CDH20: variants seen among roughly 807,000 people sequenced by gnomAD.
CDH20 encodes cadherin-20.
Under a neutral mutation model 74.2 loss-of-function variants are expected in CDH20, and 29 were observed. The ratio of observed to expected loss-of-function variants is 0.39; its 90% CI spans 0.29 to 0.53. The LOEUF is 0.53. Among genes scored for constraint, CDH20 ranks in the 20% least tolerant of loss-of-function variants. The probability of loss-of-function intolerance (pLI) is 0.69; values close to 1 mark genes in which losing one functional copy is unlikely to be tolerated. For synonymous variants in CDH20, 469 were observed against 405.4 expected, an observed-to-expected ratio of 1.16 and a Z score of -1.88; for missense variants, 988 against 1,048.3, an observed-to-expected ratio of 0.94 and a Z score of 0.79.
chr18:61,421,782 A>G (rs1815560363), intron 1 of CDH20, among the ~76,000 whole-genome samples: 1 of 152,202 alleles, frequency 6.6e-6, no homozygotes, highest in African/African-American at 2.4e-5. Context: ...ATAATAAACC[A>G]GATGGATAGA....
chr18:61,353,496 GT>G lies in CDH20; in HGVS notation c.-153+19675del, dbSNP rs997628308. 3.3e-5 allele frequency among the ~76,000 whole-genome samples: 5 copies of G among 152,138 alleles called. No homozygotes were observed. The highest frequency in any genetic ancestry group is 5.9e-5 in the Non-Finnish European group (4 of 68,016). Reference sequence around the variant, plus strand: ...TCATTTGTCTACTTGTGGTCCTCTTGTTTTTTCTAGAAGATGATCTGTAATT... The same window carrying G: ...TCATTTGTCTACTTGTGGTCCTCTTGTTTTTCTAGAAGATGATCTGTAATT... On this transcript the variant is annotated intron_variant, in intron 1 of 11. Coordinates refer to ENST00000262717, the MANE Select transcript of CDH20 (RefSeq NM_031891.4). The surrounding 1 kb of genome is among the most constrained non-coding windows in gnomAD (Gnocchi z 4.6).
chr18:61,425,983 A>G (rs1913058244), intron 1 of CDH20, among the ~76,000 whole-genome samples: 1 of 152,194 alleles, frequency 6.6e-6, no homozygotes, highest in African/African-American at 2.4e-5. Context: ...GCTATTACAA[A>G]TGGAATTTAA....
chr18:61,508,608 G>A (rs1422167377), intron 6 of CDH20, among the ~76,000 whole-genome samples: 1 of 151,994 alleles, frequency 6.6e-6, no homozygotes, highest in Non-Finnish European at 1.5e-5. Flanking sequence ...CAGTGACCTG[G>A]ATGAGATTGG....
At chr18:61,475,000 A>T (rs1045045965) in intron 1 of CDH20, among the ~76,000 whole-genome samples, 4 of 152,092 alleles carry the variant, frequency 2.6e-5, no homozygotes, top group African/African-American at 7.2e-5. Flanking sequence ...GGGGAGCCAG[A>T]TTGTGTAGGT....
At chr18:61,491,644 A>G (rs930703492) in intron 2 of CDH20, among the ~76,000 whole-genome samples, 4 of 152,134 alleles carry the variant, frequency 2.6e-5, no homozygotes, top group African/African-American at 9.7e-5. Flanking sequence ...GATTGAGAGA[A>G]CTGCTCCTTC....
intron 1 of CDH20, among the ~76,000 whole-genome samples, chr18:61,488,895 C>G (rs534311826): frequency 6.6e-6 from 1 of 152,324 alleles, no homozygotes; most frequent in East Asian, 1.9e-4. Context: ...CTTCTCTGTT[C>G]CCTAAGGGAA....
chr18:61,488,612 T>C (rs968116053), intron 1 of CDH20, among the ~76,000 whole-genome samples: 2 of 152,218 alleles, frequency 1.3e-5, no homozygotes, highest in African/African-American at 4.8e-5. Context: ...AACTGTCTCT[T>C]AGTCTAATGC....
intron 1 of CDH20, among the ~76,000 whole-genome samples, chr18:61,364,253 A>T (rs1203411817): frequency 6.6e-6 from 1 of 152,110 alleles, no homozygotes; most frequent in African/African-American, 2.4e-5. Flanking sequence ...ACCAGGGCAG[A>T]TACTCCCTGA....
chr18:61,373,748 A>G (rs1185772218), intron 1 of CDH20, among the ~76,000 whole-genome samples: 1 of 152,148 alleles, frequency 6.6e-6, no homozygotes, highest in Non-Finnish European at 1.5e-5. Context: ...TTGCCTTGGC[A>G]TCTGGGACCA....
chr18:61,510,189 T>C (rs1392154147), intron 6 of CDH20, among the ~76,000 whole-genome samples: 2 of 151,970 alleles, frequency 1.3e-5, no homozygotes, highest in Non-Finnish European at 2.9e-5. Context: ...TCCAAGGGAC[T>C]GAGCATAGAC....
chr18:61,498,282 C>T (rs555978165), intron 2 of CDH20, among the ~76,000 whole-genome samples: 4 of 152,152 alleles, frequency 2.6e-5, no homozygotes, highest in African/African-American at 9.6e-5. Flanking sequence ...TGCCTGTAGT[C>T]CCAGCTACTT....
In CDH20 at chr18:61,491,665, T is replaced by A. The variant is rs112191743; in HGVS notation, c.246+866T>A. 5.4e-3 allele frequency among the ~76,000 whole-genome samples: 830 copies of A among 152,294 alleles called. 12 individuals are homozygous for A. The highest frequency in any genetic ancestry group is 0.019 in the African/African-American group (782 of 41,556). On this transcript the variant is annotated intron_variant, in intron 2 of 11. Coordinates refer to ENST00000262717, the MANE Select transcript of CDH20 (RefSeq NM_031891.4). ...GAGAACTGCTCCTTCTCAAGTGTTG[T>A]CTACCCAAGTTCTTTCCCCAGTGTC...
intron 2 of CDH20, among the ~76,000 whole-genome samples, chr18:61,495,487 G>A (rs1270727178): frequency 6.6e-6 from 1 of 152,198 alleles, no homozygotes; most frequent in African/African-American, 2.4e-5. Flanking sequence ...GGTTCTGCCT[G>A]CCGGTAGAAG....
chr18:61,347,847 CT>C (rs796919833), intron 1 of CDH20, among the ~76,000 whole-genome samples: 2 of 152,026 alleles, frequency 1.3e-5, no homozygotes, highest in African/African-American at 4.8e-5. Flanking sequence ...ATAAACAATA[CT>C]TTTTTTTCAG....
At chr18:61,471,552 T>C (rs1390335008) in intron 1 of CDH20, among the ~76,000 whole-genome samples, 1 of 152,216 alleles carries the variant, frequency 6.6e-6, no homozygotes, top group Non-Finnish European at 1.5e-5. Flanking sequence ...TTTTCCATTA[T>C]GAAGAATGGC....
chr18:61,428,347 C>T (rs180972765), intron 1 of CDH20, among the ~76,000 whole-genome samples: 1 of 152,160 alleles, frequency 6.6e-6, no homozygotes, highest in African/African-American at 2.4e-5. Context: ...TAGGCGGCCC[C>T]AGATGTCTCA....
intron 7 of CDH20, among the ~76,000 whole-genome samples, chr18:61,528,805 T>C (rs1220788442): frequency 6.6e-6 from 1 of 152,208 alleles, no homozygotes; most frequent in East Asian, 1.9e-4. Context: ...CTTCCATCTT[T>C]TATGAATCTT....
chr18:61,347,792 G>A (rs923937220), intron 1 of CDH20, among the ~76,000 whole-genome samples: 1 of 152,160 alleles, frequency 6.6e-6, no homozygotes, highest in Non-Finnish European at 1.5e-5. Flanking sequence ...ATAAAACTAG[G>A]AGGGGAAATG....
intron 1 of CDH20, among the ~76,000 whole-genome samples, chr18:61,363,024 C>G (rs144615623): frequency 6.6e-6 from 1 of 152,014 alleles, no homozygotes; most frequent in Non-Finnish European, 1.5e-5. Context: ...TTGCCATCAT[C>G]GTGACTTAAG....
Sources: allele counts gnomAD v4.1 joint callset (sites outside exome capture counted in the v4.1 genomes callset), GRCh38; gene constraint gnomAD v4.1.1; non-coding constraint Gnocchi (gnomAD v3.1); transcripts MANE v1.5; gene names NCBI Gene and HGNC (gene_info 2026-07-23, HGNC 2026-07-21).